Variants in PLA2G4D observed in about 807,000 individuals in gnomAD.
PLA2G4D encodes the protein cytosolic phospholipase A2 delta.
A neutral mutation model predicts 94.4 loss-of-function variants in PLA2G4D; 80 were observed. That is an observed-to-expected ratio of 0.85 (90% CI 0.71 to 1.02). The LOEUF (loss-of-function observed/expected upper bound fraction) is 1.02, where lower values mean the gene tolerates loss of function less well. Among genes scored for constraint, PLA2G4D ranks in the 50% least tolerant of loss-of-function variants. The probability of loss-of-function intolerance (pLI) is 0.00; values close to 1 mark genes in which losing one functional copy is unlikely to be tolerated. For missense variants in PLA2G4D, 1,050 were observed against 1,034.7 expected (o/e 1.01, Z -0.20); for synonymous variants, 438 against 440.9 (o/e 0.99, Z 0.08).
intron 13 of PLA2G4D, 130 bp from the exon 14 acceptor site, chr15:42,072,522 G>A: frequency 1.4e-6 from 1 of 716,350 alleles, no homozygotes; most frequent in Non-Finnish European, 2.4e-6. Context: ...GGGGTCTGGG[G>A]ACCATATGTG....
intron 8 of PLA2G4D, 57 bp from the exon 9 acceptor site, chr15:42,082,446 G>C: frequency 1.6e-6 from 2 of 1,269,228 alleles, no homozygotes; most frequent in South Asian, 1.2e-5. Context: ...TCCCTACTAA[G>C]TATCTAGACT....
Position 42,084,038 on chromosome 15 carries a change from A to T in PLA2G4D, c.472-259T>A. ...CCCCTGGCTTTGCCAAACTCCCGAA[A>T]CCTCCTAGAGCGCCCAGCCCTCAGA... On this transcript the variant is annotated intron_variant, in intron 6 of 19. Coordinates refer to ENST00000290472, the MANE Select transcript of PLA2G4D (RefSeq NM_178034.4). The surrounding 1 kb of genome is among the most constrained non-coding windows in gnomAD (Gnocchi z 4.8). The T allele has an allele frequency of 4.1e-6, 2 of 489,808 alleles. No individual in the cohort carries two copies. Among genetic ancestry groups the T allele is most frequent in the South Asian group, 2.8e-5 (1 of 36,010 alleles). The allele number at this position is 489,808 out of a possible 1,614,324, so 30.3% of individuals were successfully genotyped here. A position where few individuals can be genotyped will look rare whatever the true frequency, so the allele number is the denominator to read the frequency against.
At chr15:42,070,130 C>T (rs2141091639) in intron 18 of PLA2G4D, 35 bp from the exon 19 acceptor site, 2 of 1,459,642 alleles carry the variant, frequency 1.4e-6, no homozygotes, top group South Asian at 1.4e-5. Context: ...GAGAACCAGC[C>T]CGGCCCAGGT....
chr15:42,085,957 G>A lies in PLA2G4D; in HGVS notation c.387+256C>T, dbSNP rs571309374. On this transcript the variant is annotated intron_variant, in intron 4 of 19. Coordinates refer to ENST00000290472, the MANE Select transcript of PLA2G4D (RefSeq NM_178034.4). Reference sequence around the variant, plus strand: ...CCTTGGCACCACCAGCAGGAGTGATGGATGCTGAGCTGTGTTTTGAGGGGT... The same window carrying A: ...CCTTGGCACCACCAGCAGGAGTGATAGATGCTGAGCTGTGTTTTGAGGGGT... Among the ~76,000 whole-genome samples the A allele has an allele frequency of 1.5e-3, 234 of 152,384 alleles. 2 individuals carry two copies. Among genetic ancestry groups the A allele is most frequent in the African/African-American group, 5.4e-3 (224 of 41,594 alleles).
Position 42,083,716 on chromosome 15 carries a change from C to T in PLA2G4D, c.535G>A (p.Asp179Asn), listed in dbSNP as rs771287523. Residue 179 changes from aspartate (D) to asparagine (N), a missense_variant and splice_region_variant, in exon 7 of 20, where the codon GAT (aspartate) becomes AAT (asparagine). By Grantham distance (23) the Asp-to-Asn change is conservative. Coordinates refer to ENST00000290472, the MANE Select transcript of PLA2G4D (RefSeq NM_178034.4). ...AGGCCTGGTTCTAAGCTGGTCTCAC[C>T]TGCAACCACAGCGGTGCTCCCTGTG... is the stretch of plus-strand genomic sequence containing the variant. ...DSTGSTAVVA[D>N]QDKLELELVL... 6.2e-7 allele frequency: 1 copy of T among 1,614,052 alleles called. No individual in the cohort carries two copies.
In PLA2G4D at chr15:42,073,065, C is replaced by T. The variant is rs1035937967; in HGVS notation, c.1318-673G>A. ...TCACCCAGGCTGGAGTGCAGTGGTG[C>T]AATCTTGGATCACTGCAACCTCCAC... On this transcript the variant is annotated intron_variant, in intron 13 of 19. Coordinates refer to ENST00000290472, the MANE Select transcript of PLA2G4D (RefSeq NM_178034.4). Among the ~76,000 whole-genome samples, 4 of 152,266 alleles carry T rather than the reference C, an allele frequency of 2.6e-5. No individual in the cohort carries two copies. In the East Asian group the frequency reaches 7.7e-4, roughly 29 times the overall value.
chr15:42,086,194 T>TTGG lies in PLA2G4D; in HGVS notation c.387+18_387+19insCCA. 1 of 1,370,442 alleles carries TTGG rather than the reference T, an allele frequency of 7.3e-7. No individual in the cohort carries two copies. Among genetic ancestry groups the TTGG allele is most frequent in the Non-Finnish European group, 9.6e-7 (1 of 1,043,082 alleles). The allele number at this position is 1,370,442 out of a possible 1,614,324, so 84.9% of individuals were successfully genotyped here. ...GGAAGAAGTGGGGCCCACGGGGACTTCCCCACCCACCCACCCACCTGGGGA... is the reference window on the plus strand; with the variant it reads ...GGAAGAAGTGGGGCCCACGGGGACTTTGGCCCCACCCACCCACCCACCTGGGGA... On this transcript the variant is annotated intron_variant, in intron 4 of 19. Transcript: ENST00000290472.
At position 42,072,313 on chromosome 15, in the gene PLA2G4D, T is replaced by C. The variant is rs757072356; in HGVS notation, c.1397A>G (p.Asn466Ser). The change falls in exon 14 of 20, where the codon AAT becomes AGT. Residue 466 changes from asparagine to serine, a missense_variant. Transcript: ENST00000290472. ...TGTCTCCAGATTGTTCTCTTTGACA[T>C]TGAGGCTCAAGTAGAGGGGCAGAGG... ...QNPLPLYLSL[N>S]VKENNLETLD... The C allele has an allele frequency of 2.8e-5, 45 of 1,613,770 alleles. No homozygotes were observed. Among genetic ancestry groups the C allele is most frequent in the Middle Eastern group, 1.7e-4 (1 of 5,980 alleles).
chr15:42,082,460 A>G (rs1890057259), intron 8 of PLA2G4D, 71 bp from the exon 9 acceptor site: 1 of 1,040,594 alleles, frequency 9.6e-7, no homozygotes, highest in Non-Finnish European at 1.5e-6. Flanking sequence ...CTAGACTACA[A>G]TCCAGACAGA....
chr15:42,086,457 A>C, intron 3 of PLA2G4D, 113 bp from the exon 4 acceptor site: 4 of 951,554 alleles, frequency 4.2e-6, no homozygotes, highest in East Asian at 2.6e-5. Flanking sequence ...ATGCCACCAC[A>C]CGTCTGCGCT....
rs1354002671 is a variant in PLA2G4D at position 42,068,841 on chromosome 15, G to C, written c.2331C>G (p.Asp777Glu). ...CACTGAGCCGCAGCAGGCGCTCGAA[G>C]TCTTCCTCCTTGTAGGTCATGTTGG... ...TLSNMTYKEE[D>E]FERLLRLSDY... Residue 777 changes from aspartate (D) to glutamate (E), a missense_variant, in exon 20 of 20, where the codon GAC becomes GAG. Asp to Glu is a conservative substitution (Grantham distance 45). Coordinates refer to ENST00000290472, the MANE Select transcript of PLA2G4D (RefSeq NM_178034.4). 1 of 1,614,014 alleles carries C rather than the reference G, an allele frequency of 6.2e-7. No individual in the cohort carries two copies. Among genetic ancestry groups the C allele is most frequent in the South Asian group, 1.1e-5 (1 of 91,064 alleles).
At chr15:42,087,253 G>T (rs746574793) in intron 3 of PLA2G4D, 47 bp downstream of exon 3, 1 of 1,612,304 alleles carries the variant, frequency 6.2e-7, no homozygotes. Context: ...CTTGCATGGG[G>T]GTCCAGCCCG....
Position 42,084,147 on chromosome 15 carries a change from G to A in PLA2G4D, c.472-368C>T. The stretch of plus-strand genomic sequence containing the variant: ...CAACTCCAAATAATCTAAGCAAGCC[G>A]CCCATCCATAGGAGGGTAGACGGGG... On this transcript the variant is annotated intron_variant, in intron 6 of 19. Coordinates refer to ENST00000290472, the MANE Select transcript of PLA2G4D (RefSeq NM_178034.4). This position sits in a 1 kb window ranked among gnomAD's most constrained non-coding sequence, Gnocchi z 4.8. 2 of 234,148 alleles carry A rather than the reference G, an allele frequency of 8.5e-6. No homozygotes were observed. The highest frequency in any genetic ancestry group is 1.7e-5 in the Non-Finnish European group (2 of 117,452). The allele number at this position is 234,148 out of a possible 1,614,324, so 14.5% of individuals were successfully genotyped here. A position where few individuals can be genotyped will look rare whatever the true frequency, so the allele number is the denominator to read the frequency against.
At chr15:42,087,979 A>G (rs1391433990) in intron 1 of PLA2G4D, among the ~76,000 whole-genome samples, 1 of 152,250 alleles carries the variant, frequency 6.6e-6, no homozygotes, top group Admixed American at 6.5e-5. Context: ...CAACATGGGT[A>G]GTGGACAGAG....
rs1373378653 is a variant in PLA2G4D at position 42,068,932 on chromosome 15, C to T, written c.2240G>A (p.Arg747His). 9.9e-6 allele frequency: 16 copies of T among 1,609,524 alleles called. No individual in the cohort carries two copies. Among genetic ancestry groups the T allele is most frequent in the East Asian group, 2.2e-5 (1 of 44,802 alleles). ...GCCACCCTGGAGCTCTGCGGGGCTGCGCTGGACACCTGCCCAGGGGTAGGA... is the reference window on the plus strand; with the variant it reads ...GCCACCCTGGAGCTCTGCGGGGCTGTGCTGGACACCTGCCCAGGGGTAGGA... Reference protein sequence around the residue: ...FKDHSAPGVQRSPAELQGGQV... With the variant: ...FKDHSAPGVQHSPAELQGGQV... Residue 747 changes from arginine to histidine, a missense_variant, in exon 20 of 20, where the codon CGC (arginine) becomes CAC (histidine). Coordinates refer to ENST00000290472, the MANE Select transcript of PLA2G4D (RefSeq NM_178034.4).
At chr15:42,069,262 G>A (rs1046191019) in intron 19 of PLA2G4D, among the ~76,000 whole-genome samples, 3 of 152,160 alleles carry the variant, frequency 2.0e-5, no homozygotes, top group Admixed American at 2.0e-4. Context: ...GTTTGCGAAT[G>A]GATTCTTAGA....
chr15:42,070,280 G>GAGCCAC (rs1889778140), intron 18 of PLA2G4D, 185 bp from the exon 19 acceptor site: 2 of 592,440 alleles, frequency 3.4e-6, no homozygotes, highest in Admixed American at 7.7e-5. Context: ...CTGGTGGTCT[G>GAGCCAC]CAATGTTGTT....
chr15:42,082,188 T>C, intron 9 of PLA2G4D, 91 bp downstream of exon 9: 2 of 1,141,996 alleles, frequency 1.8e-6, no homozygotes, highest in Admixed American at 2.0e-5. Flanking sequence ...TGCCTTGGCC[T>C]CCCAAAGTGC....
chr15:42,086,459 G>T, intron 3 of PLA2G4D, 115 bp from the exon 4 acceptor site: 2 of 947,992 alleles, frequency 2.1e-6, no homozygotes, highest in Non-Finnish European at 3.2e-6. Flanking sequence ...GCCACCACAC[G>T]TCTGCGCTTC....
Sources: allele counts gnomAD v4.1 joint callset (sites outside exome capture counted in the v4.1 genomes callset), GRCh38; gene constraint gnomAD v4.1.1; non-coding constraint Gnocchi (gnomAD v3.1); transcripts MANE v1.5; gene names NCBI Gene and HGNC (gene_info 2026-07-23, HGNC 2026-07-21).